The following BRD3OS variants were observed in gnomAD, a reference collection of about 807,000 sequenced individuals.
BRD3OS encodes the protein BRD3 opposite strand.
rs560453292 is a variant in BRD3OS, at chr9:134,026,726, G to T, written c.-22G>T. On this transcript the variant is annotated 5_prime_UTR_variant, in exon 3 of 3. Transcript: ENST00000603928. The surrounding 1 kb of genome is among the most constrained non-coding windows in gnomAD (Gnocchi z 4.4). ...TCTCAGAACAGCAGGGTTCCCAGGA[G>T]TCCAGCGGGACGGGGGAGGGGATGA... The T allele has an allele frequency of 1.5e-5, 6 of 398,814 alleles. No homozygotes were observed. In the South Asian group the frequency reaches 6.4e-4, roughly 43 times the overall value. The allele number at this position is 398,814 out of a possible 1,614,324, so 24.7% of individuals were successfully genotyped here. A position where few individuals can be genotyped will look rare whatever the true frequency, so the allele number is the denominator to read the frequency against.
Position 134,030,536 on chromosome 9 carries a change from C to T in BRD3OS, c.*3534C>T, listed in dbSNP as rs772997700. On this transcript the variant is annotated 3_prime_UTR_variant, in exon 3 of 3. Transcript: ENST00000603928. ...GCACTAAAAAGTTTAAGAAAAGTTA[C>T]GGTAAACTTGCATGCACATCATACA... 7 of 210,650 alleles carry T rather than the reference C, an allele frequency of 3.3e-5. No individual in the cohort carries two copies. The highest frequency in any genetic ancestry group is 9.1e-5 in the African/African-American group (4 of 43,936). 13.0% of individuals were successfully genotyped at this position (210,650 alleles called of 1,614,324 possible).
rs1173460311 is a variant in BRD3OS, at chr9:134,028,355, T to C, written c.*1353T>C. 2 of 152,284 alleles carry C rather than the reference T, an allele frequency of 1.3e-5. No individual in the cohort carries two copies. The highest frequency in any genetic ancestry group is 2.9e-5 in the Non-Finnish European group (2 of 68,070). The allele number at this position is 152,284 out of a possible 1,614,324, so 9.4% of individuals were successfully genotyped here. A position where few individuals can be genotyped will look rare whatever the true frequency, so the allele number is the denominator to read the frequency against. On this transcript the variant is annotated 3_prime_UTR_variant, in exon 3 of 3. Transcript: ENST00000603928. ...CATGCCTCTTGTATCCGCCATTTTC[T>C]TTCTTGCTCAACTGTACAGACTGGG...
chr9:134,025,585 AG>A (rs1341372041), intron 1 of BRD3OS, 49 bp downstream of exon 1: 1 of 150,190 alleles, frequency 6.7e-6, no homozygotes, highest in African/African-American at 2.4e-5. Flanking sequence ...GGCAGACGAT[AG>A]GGGGCTGGAG....
Position 134,029,823 on chromosome 9 carries a change from G to C in BRD3OS, c.*2821G>C, listed in dbSNP as rs1466622256. ...GCACAGAACCTGGCTGTCTCGAAGA[G>C]GGCAGCTTGTTCCAGGGAACCAATG... On this transcript the variant is annotated 3_prime_UTR_variant, in exon 3 of 3. Coordinates refer to ENST00000603928, the MANE Select transcript of BRD3OS (RefSeq NM_001355256.2). 1 of 152,272 alleles carries C rather than the reference G, an allele frequency of 6.6e-6. No homozygotes were observed. Among genetic ancestry groups the C allele is most frequent in the Non-Finnish European group, 1.5e-5 (1 of 68,060 alleles). The allele number at this position is 152,272 out of a possible 1,614,324, so 9.4% of individuals were successfully genotyped here.
At position 134,026,879 on chromosome 9, in the gene BRD3OS, C is replaced by T; in HGVS notation, c.132C>T (p.Tyr44=). ...QKLESVPPGT[Y]LSRSRSMWYS... ...TGGAGTCGGTGCCACCTGGGACGTA[C>T]CTGAGCAGGAGCCGAAGCATGTGGT... Residue 44 remains tyrosine (Y), a synonymous_variant, in exon 3 of 3, where the codon TAC becomes TAT. Coordinates refer to ENST00000603928, the MANE Select transcript of BRD3OS (RefSeq NM_001355256.2). The surrounding 1 kb of genome is among the most constrained non-coding windows in gnomAD (Gnocchi z 4.4). The T allele has an allele frequency of 5.0e-6, 2 of 398,932 alleles. No individual in the cohort carries two copies. The highest frequency in any genetic ancestry group is 8.8e-6 in the Non-Finnish European group (2 of 226,060). The allele number at this position is 398,932 out of a possible 1,614,324, so 24.7% of individuals were successfully genotyped here.
chr9:134,028,065 A>AT lies in BRD3OS; in HGVS notation c.*1068dup, dbSNP rs1038478451. ...GTGCAGGTGTCTCTTGTCAAAGCTA[A>AT]TTTTTCTTTTCTAAATAAACATCCT... is the stretch of plus-strand genomic sequence containing the variant. On this transcript the variant is annotated 3_prime_UTR_variant, in exon 3 of 3. Transcript: ENST00000603928. 2 of 152,122 alleles carry AT rather than the reference A, an allele frequency of 1.3e-5. No homozygotes were observed. Among genetic ancestry groups the AT allele is most frequent in the African/African-American group, 2.4e-5 (1 of 41,398 alleles). The allele number at this position is 152,122 out of a possible 1,614,324, so 9.4% of individuals were successfully genotyped here. A position where few individuals can be genotyped will look rare whatever the true frequency, so the allele number is the denominator to read the frequency against.
Position 134,029,576 on chromosome 9 carries a change from A to T in BRD3OS, c.*2574A>T, listed in dbSNP as rs868827234. The T allele has an allele frequency of 2.6e-4, 39 of 152,318 alleles. No homozygotes were observed. Among genetic ancestry groups the T allele is most frequent in the African/African-American group, 9.4e-4 (39 of 41,526 alleles). 9.4% of individuals were successfully genotyped at this position (152,318 alleles called of 1,614,324 possible). On this transcript the variant is annotated 3_prime_UTR_variant, in exon 3 of 3. Coordinates refer to ENST00000603928, the MANE Select transcript of BRD3OS (RefSeq NM_001355256.2). ...CAGGCCTAGACGTGGGCCCAGCCAG[A>T]ACCTTCTCCCCTGGCATGTCTCTTC...
Position 134,030,623 on chromosome 9 carries a change from G to A in BRD3OS, c.*3621G>A, listed in dbSNP as rs1158488075. 8.8e-6 allele frequency: 2 copies of A among 227,460 alleles called. No individual in the cohort carries two copies. The highest frequency in any genetic ancestry group is 1.7e-5 in the Non-Finnish European group (2 of 114,558). The allele number at this position is 227,460 out of a possible 1,614,324, so 14.1% of individuals were successfully genotyped here. A position where few individuals can be genotyped will look rare whatever the true frequency, so the allele number is the denominator to read the frequency against. ...CCTGGAAGCATTATGCCAGTATTAA[G>A]GAACAGTGCTACTCTGGATGTGACA... On this transcript the variant is annotated 3_prime_UTR_variant, in exon 3 of 3. Transcript: ENST00000603928.
Position 134,031,543 on chromosome 9 carries a change from AT to A in BRD3OS, c.*4546del, listed in dbSNP as rs1433571053. 4.9e-6 allele frequency: 1 copy of A among 202,266 alleles called. No individual in the cohort carries two copies. The highest frequency in any genetic ancestry group is 2.3e-5 in the African/African-American group (1 of 43,536). The allele number at this position is 202,266 out of a possible 1,614,324, so 12.5% of individuals were successfully genotyped here. On this transcript the variant is annotated 3_prime_UTR_variant, in exon 3 of 3. Transcript: ENST00000603928. ...AATGGAAACTTTCAAATCCATTTAT[AT>A]TTTTATTATAAACAAAACTTAATTA... is the stretch of plus-strand genomic sequence containing the variant.
In BRD3OS at chr9:134,028,590, T is replaced by C. The variant is rs1232278062; in HGVS notation, c.*1588T>C. ...TTTTAATAGAGACAAGGTTTCACCA[T>C]GTTGGCCAGGCTGGTCTCGAACTGC... is the stretch of plus-strand genomic sequence containing the variant. On this transcript the variant is annotated 3_prime_UTR_variant, in exon 3 of 3. Coordinates refer to ENST00000603928, the MANE Select transcript of BRD3OS (RefSeq NM_001355256.2). 1.3e-5 allele frequency: 2 copies of C among 152,254 alleles called. No individual in the cohort carries two copies. Among genetic ancestry groups the C allele is most frequent in the African/African-American group, 2.4e-5 (1 of 41,458 alleles). 9.4% of individuals were successfully genotyped at this position (152,254 alleles called of 1,614,324 possible). A position where few individuals can be genotyped will look rare whatever the true frequency, so the allele number is the denominator to read the frequency against.
rs1433830492 is a variant in BRD3OS at position 134,030,388 on chromosome 9, CAA to C, written c.*3388_*3389del. On this transcript the variant is annotated 3_prime_UTR_variant, in exon 3 of 3. Transcript: ENST00000603928. ...AAGGGTCCATGATTACCAGAAACAT[CAA>C]AGAGTACTTTCTACCATTTTTATTC... is the stretch of plus-strand genomic sequence containing the variant. The C allele has an allele frequency of 7.2e-6, 1 of 139,626 alleles. No individual in the cohort carries two copies. Among genetic ancestry groups the C allele is most frequent in the African/African-American group, 2.9e-5 (1 of 34,808 alleles). 8.6% of individuals were successfully genotyped at this position (139,626 alleles called of 1,614,324 possible). A position where few individuals can be genotyped will look rare whatever the true frequency, so the allele number is the denominator to read the frequency against.
At position 134,026,355 on chromosome 9, in the gene BRD3OS, A is replaced by C. The variant is rs1843428955; in HGVS notation, c.-393A>C. ...CTCCTTCCAGCTTGCGTCTGGGGCC[A>C]CCATGTCCCTTCCTCAGGGCACTGG... On this transcript the variant is annotated 5_prime_UTR_variant, in exon 3 of 3. Transcript: ENST00000603928. This position sits in a 1 kb window ranked among gnomAD's most constrained non-coding sequence, Gnocchi z 4.4. The C allele has an allele frequency of 6.3e-6, 1 of 157,928 alleles. No homozygotes were observed. Among genetic ancestry groups the C allele is most frequent in the Non-Finnish European group, 1.4e-5 (1 of 72,148 alleles). The allele number at this position is 157,928 out of a possible 1,614,324, so 9.8% of individuals were successfully genotyped here. A position where few individuals can be genotyped will look rare whatever the true frequency, so the allele number is the denominator to read the frequency against.
chr9:134,026,719 C>T lies in BRD3OS; in HGVS notation c.-29C>T, dbSNP rs530219520. 9 of 398,700 alleles carry T rather than the reference C, an allele frequency of 2.3e-5. No homozygotes were observed. The South Asian group carries it at 1.2e-3, about 51-fold the overall frequency. 24.7% of individuals were successfully genotyped at this position (398,700 alleles called of 1,614,324 possible). ...TGGGCCGTCTCAGAACAGCAGGGTT[C>T]CCAGGAGTCCAGCGGGACGGGGGAG... On this transcript the variant is annotated 5_prime_UTR_variant, in exon 3 of 3. Coordinates refer to ENST00000603928, the MANE Select transcript of BRD3OS (RefSeq NM_001355256.2). This position sits in a 1 kb window ranked among gnomAD's most constrained non-coding sequence, Gnocchi z 4.4.
chr9:134,026,765 C>G lies in BRD3OS; in HGVS notation c.18C>G (p.Pro6=), dbSNP rs981186585. The G allele has an allele frequency of 8.5e-5, 34 of 398,858 alleles. No homozygotes were observed. In the East Asian group the frequency reaches 1.2e-3, roughly 14 times the overall value. 24.7% of individuals were successfully genotyped at this position (398,858 alleles called of 1,614,324 possible). ...GGGAGGGGATGAGTGGCCGTGTCCC[C>G]CTGGCAGAGAAGGCCTTGTCTGAAG... The part of the protein sequence containing the change: MSGRV[P]LAEKALSEGY... The change falls in exon 3 of 3, where the codon CCC becomes CCG. Residue 6 remains proline (P), a synonymous_variant. Transcript: ENST00000603928. This position sits in a 1 kb window ranked among gnomAD's most constrained non-coding sequence, Gnocchi z 4.4.
rs907573265 is a variant in BRD3OS at position 134,030,654 on chromosome 9, T to C, written c.*3652T>C. The stretch of plus-strand genomic sequence containing the variant: ...GTGCTACTCTGGATGTGACAAATTC[T>C]GTATGTGGGTGTTACTCTTTCCCAA... On this transcript the variant is annotated 3_prime_UTR_variant, in exon 3 of 3. Coordinates refer to ENST00000603928, the MANE Select transcript of BRD3OS (RefSeq NM_001355256.2). The C allele has an allele frequency of 4.4e-6, 1 of 229,166 alleles. No homozygotes were observed. The highest frequency in any genetic ancestry group is 2.2e-5 in the African/African-American group (1 of 45,058). The allele number at this position is 229,166 out of a possible 1,614,324, so 14.2% of individuals were successfully genotyped here. A position where few individuals can be genotyped will look rare whatever the true frequency, so the allele number is the denominator to read the frequency against.
Position 134,029,626 on chromosome 9 carries a change from T to C in BRD3OS, c.*2624T>C, listed in dbSNP as rs1843480750. 1 of 152,294 alleles carries C rather than the reference T, an allele frequency of 6.6e-6. No homozygotes were observed. Among genetic ancestry groups the C allele is most frequent in the Non-Finnish European group, 1.5e-5 (1 of 68,076 alleles). 9.4% of individuals were successfully genotyped at this position (152,294 alleles called of 1,614,324 possible). A position where few individuals can be genotyped will look rare whatever the true frequency, so the allele number is the denominator to read the frequency against. ...CCAGGCCTAGTTCCAGAGCTGTCAT[T>C]CTTCGGCGAGCCGCGCTGCACGCCA... On this transcript the variant is annotated 3_prime_UTR_variant, in exon 3 of 3. Transcript: ENST00000603928.
chr9:134,025,821 G>T (rs891472951), intron 1 of BRD3OS, 24 bp from the exon 2 acceptor site: 1 of 152,286 alleles, frequency 6.6e-6, no homozygotes, highest in Non-Finnish European at 1.5e-5. Context: ...GTTTTCTCCT[G>T]ACATCGTTTT....
rs950732789 is a variant in BRD3OS, at chr9:134,028,364, C to G, written c.*1362C>G. On this transcript the variant is annotated 3_prime_UTR_variant, in exon 3 of 3. Transcript: ENST00000603928. ...TGTATCCGCCATTTTCTTTCTTGCTCAACTGTACAGACTGGGCATTCACTT... is the reference window on the plus strand; with the variant it reads ...TGTATCCGCCATTTTCTTTCTTGCTGAACTGTACAGACTGGGCATTCACTT... The G allele has an allele frequency of 2.0e-5, 3 of 152,226 alleles. No individual in the cohort carries two copies. Among genetic ancestry groups the G allele is most frequent in the Non-Finnish European group, 2.9e-5 (2 of 68,074 alleles). The allele number at this position is 152,226 out of a possible 1,614,324, so 9.4% of individuals were successfully genotyped here.
chr9:134,026,960 C>T lies in BRD3OS; in HGVS notation c.213C>T (p.Val71=), dbSNP rs1313506001. 1 of 398,806 alleles carries T rather than the reference C, an allele frequency of 2.5e-6. No individual in the cohort carries two copies. The highest frequency in any genetic ancestry group is 1.3e-4 in the South Asian group (1 of 7,860). 24.7% of individuals were successfully genotyped at this position (398,806 alleles called of 1,614,324 possible). ...TCCGAGACAAAAACAAGCTCGAGGT[C>T]TCTAGGGACACAGGGCAGTCCAAGT... ...ILVRDKNKLE[V]SRDTGQSKFC... The change falls in exon 3 of 3, where the codon GTC becomes GTT. Residue 71 remains valine, a synonymous_variant. Transcript: ENST00000603928. This position sits in a 1 kb window ranked among gnomAD's most constrained non-coding sequence, Gnocchi z 4.4.
Sources: gnomAD v4.1 joint callset for allele counts on GRCh38, gnomAD v4.1.1 for gene constraint, Gnocchi (gnomAD v3.1) non-coding constraint, MANE v1.5 for transcripts, NCBI Gene and HGNC (gene_info 2026-07-23, HGNC 2026-07-21) for gene names.